DLG2: variants seen among roughly 807,000 people sequenced by gnomAD.
DLG2 encodes disks large homolog 2.
DLG2 carries 45 observed loss-of-function variants against 132.5 expected under a neutral mutation model. The observed-to-expected ratio is 0.34, with a 90% CI of 0.27 to 0.44. DLG2 has a LOEUF of 0.44. DLG2 is among the 20% of genes least tolerant of loss of function. DLG2 has a pLI of 1.00. For synonymous variants in DLG2, 424 were observed against 419.6 expected, an observed-to-expected ratio of 1.01 and a Z score of -0.13; for missense variants, 1,045 against 1,196.9, an observed-to-expected ratio of 0.87 and a Z score of 1.87.
At chr11:84,257,600 T>C (rs2097493609) in intron 7 of DLG2, among the ~76,000 whole-genome samples, 2 of 151,836 alleles carry the variant, frequency 1.3e-5, no homozygotes, top group Admixed American at 1.3e-4. Context: ...TGGTAAATCT[T>C]CAAACCCAAG....
intron 3 of DLG2, among the ~76,000 whole-genome samples, chr11:85,441,158 G>T (rs1032774932): frequency 6.6e-6 from 1 of 152,120 alleles, no homozygotes; most frequent in Admixed American, 6.6e-5. Context: ...CAAGAGCACC[G>T]AAGTATATAT....
chr11:84,774,403 A>G (rs978940854), intron 6 of DLG2, among the ~76,000 whole-genome samples: 2 of 152,182 alleles, frequency 1.3e-5, no homozygotes, highest in South Asian at 4.1e-4. Flanking sequence ...TATTTCTATC[A>G]AACGACCAAC....
At chr11:84,664,128 T>C (rs2099697603) in intron 6 of DLG2, among the ~76,000 whole-genome samples, 1 of 152,232 alleles carries the variant, frequency 6.6e-6, no homozygotes, top group Non-Finnish European at 1.5e-5. Context: ...AAATATAGTC[T>C]TAACATTTTT....
intron 19 of DLG2, among the ~76,000 whole-genome samples, chr11:83,602,153 G>T (rs577358429): frequency 2.6e-5 from 4 of 152,214 alleles, no homozygotes; most frequent in Admixed American, 6.5e-5. Flanking sequence ...GGAAATGAGC[G>T]AGTCTTTCTG....
At chr11:83,503,452 TAC>T (rs1161538666) in intron 21 of DLG2, among the ~76,000 whole-genome samples, 135 of 133,798 alleles carry the variant, frequency 1.0e-3, no homozygotes, top group African/African-American at 3.4e-3. Context: ...TATATATTTA[TAC>T]ACACACACAC....
chr11:85,531,777 A>G (rs1026970237), intron 3 of DLG2, among the ~76,000 whole-genome samples: 2 of 152,218 alleles, frequency 1.3e-5, no homozygotes, highest in Non-Finnish European at 2.9e-5. Context: ...AAATTAGAAA[A>G]GAAGGCTTCT....
chr11:84,826,806 C>A (rs1187188085), intron 6 of DLG2, among the ~76,000 whole-genome samples: 1 of 151,808 alleles, frequency 6.6e-6, no homozygotes, highest in East Asian at 2.0e-4. Flanking sequence ...TTTGGTCCTT[C>A]CTCCACACAA....
At chr11:83,917,150 C>T (rs2077046888) in intron 15 of DLG2, among the ~76,000 whole-genome samples, 1 of 152,168 alleles carries the variant, frequency 6.6e-6, no homozygotes, top group Non-Finnish European at 1.5e-5. Flanking sequence ...GACAATTACC[C>T]TCACCTTGCC....
intron 21 of DLG2, among the ~76,000 whole-genome samples, chr11:83,502,284 C>G (rs138627846): frequency 4.2e-4 from 64 of 152,178 alleles, no homozygotes; most frequent in African/African-American, 1.4e-3. Context: ...CATACCCAAG[C>G]AGTTTGGCTC....
intron 6 of DLG2, among the ~76,000 whole-genome samples, chr11:84,798,911 C>T (rs12276405): frequency 0.45 from 67,909 of 151,890 alleles, 16,081 homozygotes; most frequent in African/African-American, 0.56. Flanking sequence ...CCTGTCACCC[C>T]ATCCTAGTGT....
intron 11 of DLG2, among the ~76,000 whole-genome samples, chr11:83,998,150 A>G (rs2094149337): frequency 1.3e-5 from 2 of 152,142 alleles, no homozygotes; most frequent in Admixed American, 6.5e-5. Context: ...AAAAGAAAAA[A>G]AGAAAGAAAG....
chr11:84,400,641 A>G (rs2098826184), intron 7 of DLG2, among the ~76,000 whole-genome samples: 1 of 152,172 alleles, frequency 6.6e-6, no homozygotes, highest in Non-Finnish European at 1.5e-5. Context: ...TGCAGACCAG[A>G]ATTGGAAACT....
intron 16 of DLG2, among the ~76,000 whole-genome samples, chr11:83,868,248 G>T (rs1053011299): frequency 1.3e-5 from 2 of 152,192 alleles, no homozygotes; most frequent in African/African-American, 2.4e-5. Context: ...TTTAGCAGGT[G>T]ACCTGGCAGC....
chr11:83,962,909 A>T lies in DLG2; in HGVS notation c.1316T>A (p.Met439Lys), dbSNP rs372628367. Residue 439 changes from methionine to lysine, a missense_variant, in exon 14 of 28, where the codon ATG (methionine) becomes AAG (lysine). Met to Lys is a moderately conservative substitution (Grantham distance 95). This residue lies in a region of DLG2 where 261 missense variants were observed against 256.1 expected (regional missense o/e 1.02). Transcript: ENST00000376104. ...PGRYSPIPKHMLVDDDYTRPP... is the reference protein window; with the variant it reads ...PGRYSPIPKHKLVDDDYTRPP... ...CCTGGTGTAGTCGTCGTCAACAAGC[A>T]TGTGCTTTGGAATTGGTGAGTACCT... is the stretch of plus-strand genomic sequence containing the variant. 1.5e-5 allele frequency: 24 copies of T among 1,612,922 alleles called. No homozygotes were observed. Among genetic ancestry groups the T allele is most frequent in the Non-Finnish European group, 2.0e-5 (23 of 1,179,176 alleles).
chr11:84,633,908 T>C (rs908712025), intron 6 of DLG2, among the ~76,000 whole-genome samples: 3 of 152,076 alleles, frequency 2.0e-5, no homozygotes, highest in Admixed American at 6.6e-5. Context: ...ATAATAAGAA[T>C]AAGCAAGTAA....
intron 6 of DLG2, among the ~76,000 whole-genome samples, chr11:85,031,870 G>C (rs933593200): frequency 6.7e-6 from 1 of 149,870 alleles, no homozygotes; most frequent in African/African-American, 2.5e-5. Flanking sequence ...TGAAGCCTCA[G>C]CCTCCTGGGT....
chr11:85,549,482 C>A (rs1293780852), intron 3 of DLG2, among the ~76,000 whole-genome samples: 1 of 152,132 alleles, frequency 6.6e-6, no homozygotes, highest in East Asian at 1.9e-4. Context: ...TAAATATTTC[C>A]CAATACAATT....
At chr11:83,499,540 T>C (rs1213849674) in intron 21 of DLG2, among the ~76,000 whole-genome samples, 1 of 151,782 alleles carries the variant, frequency 6.6e-6, no homozygotes, top group Admixed American at 6.6e-5. Context: ...CCAGCAACCA[T>C]TTATTCGTAA....
intron 3 of DLG2, among the ~76,000 whole-genome samples, chr11:85,532,965 A>G (rs1024645552): frequency 1.9e-4 from 29 of 152,208 alleles, no homozygotes; most frequent in Admixed American, 1.8e-3. Context: ...GAATATATGA[A>G]AAGAAATTTT....
Sources: allele counts gnomAD v4.1 joint callset (sites outside exome capture counted in the v4.1 genomes callset), GRCh38; gene constraint gnomAD v4.1.1; regional missense constraint gnomAD v4.1.1; transcripts MANE v1.5; gene names NCBI Gene and HGNC (gene_info 2026-07-23, HGNC 2026-07-21).